ZNF516: variants seen among roughly 807,000 people sequenced by gnomAD.
ZNF516 encodes the protein zinc finger protein 516.
Under a neutral mutation model 79.7 loss-of-function variants are expected in ZNF516, and 19 were observed. That is an observed-to-expected ratio of 0.24 (90% CI 0.17 to 0.35). ZNF516 has a LOEUF of 0.35. Ranked by LOEUF, ZNF516 falls within the 10% of genes least tolerant of loss-of-function variation. The probability of loss-of-function intolerance (pLI) is 1.00; values close to 1 mark genes in which losing one functional copy is unlikely to be tolerated. For missense variants in ZNF516, 1,678 were observed against 1,679.5 expected (o/e 1.00, Z 0.02); for synonymous variants, 877 against 739.5 (o/e 1.19, Z -3.02).
chr18:76,379,726 C>A lies in ZNF516; in HGVS notation c.2388G>T (p.Gln796His). The change falls in exon 4 of 7, where the codon CAG becomes CAT. Residue 796 changes from glutamine to histidine, a missense_variant. Gln to His is a conservative substitution (Grantham distance 24, BLOSUM62 0). Coordinates refer to ENST00000443185, the MANE Select transcript of ZNF516 (RefSeq NM_014643.4). ...SCNSVAPPWI[Q>H]PNGYKSIRSN... ...TTCTGATGCTTTTGTAACCATTGGG[C>A]TGAATCCACGGGGGAGCCACGGAGT... The A allele has an allele frequency of 6.2e-7, 1 of 1,613,886 alleles. No individual in the cohort carries two copies. Among genetic ancestry groups the A allele is most frequent in the Non-Finnish European group, 8.5e-7 (1 of 1,179,896 alleles).
chr18:76,399,855 T>G (rs1199480789), intron 3 of ZNF516, among the ~76,000 whole-genome samples: 1 of 152,264 alleles, frequency 6.6e-6, no homozygotes, highest in East Asian at 1.9e-4. Flanking sequence ...CCTCACCATG[T>G]TTCTGCTTGG....
intron 2 of ZNF516, among the ~76,000 whole-genome samples, chr18:76,450,249 T>G (rs1466560125): frequency 6.6e-6 from 1 of 150,560 alleles, no homozygotes; most frequent in African/African-American, 2.4e-5. Flanking sequence ...TTCCTAAAAG[T>G]TAAAAAAATA....
At chr18:76,408,675 G>C (rs2075332977) in intron 3 of ZNF516, among the ~76,000 whole-genome samples, 1 of 152,202 alleles carries the variant, frequency 6.6e-6, no homozygotes, top group African/African-American at 2.4e-5. Context: ...GGCGTAAAAA[G>C]AGGCCTTTCC....
At chr18:76,462,867 T>C (rs1042948710) in intron 2 of ZNF516, among the ~76,000 whole-genome samples, 161 bp downstream of exon 2, 16 of 152,210 alleles carry the variant, frequency 1.1e-4, no homozygotes, top group African/African-American at 2.9e-4. Flanking sequence ...GGTTTAATTA[T>C]TTTTCTTCTA....
chr18:76,384,276 C>T (rs1401239604), intron 3 of ZNF516, among the ~76,000 whole-genome samples: 4 of 149,554 alleles, frequency 2.7e-5, no homozygotes, highest in South Asian at 2.1e-4. Flanking sequence ...GCCCCCACGC[C>T]CCCACCAGGG....
chr18:76,453,035 T>C (rs983751695), intron 2 of ZNF516, among the ~76,000 whole-genome samples: 2 of 152,264 alleles, frequency 1.3e-5, no homozygotes, highest in African/African-American at 4.8e-5. Context: ...ATTGCATTAC[T>C]GTTACTTGTC....
At position 76,379,133 on chromosome 18, in the gene ZNF516, G is replaced by A. The variant is rs748361896; in HGVS notation, c.2981C>T (p.Ala994Val). ...GPPPAKGEGGAPPLPPREPPS... is the reference protein window; with the variant it reads ...GPPPAKGEGGVPPLPPREPPS... Reference sequence around the variant, plus strand: ...GGGCTCGCGGGGAGGTAGAGGAGGAGCGCCCCCTTCGCCCTTTGCAGGAGG... The same window carrying A: ...GGGCTCGCGGGGAGGTAGAGGAGGAACGCCCCCTTCGCCCTTTGCAGGAGG... The change falls in exon 4 of 7, where the codon GCT (alanine) becomes GTT (valine). Residue 994 changes from alanine to valine, a missense_variant. Physicochemically the swap from Ala to Val is moderately conservative, Grantham distance 64. This residue lies in a region of ZNF516 where 1,294 missense variants were observed against 1,248.3 expected (regional missense o/e 1.04). Coordinates refer to ENST00000443185, the MANE Select transcript of ZNF516 (RefSeq NM_014643.4). 9.3e-6 allele frequency: 15 copies of A among 1,612,584 alleles called. No homozygotes were observed. Among genetic ancestry groups the A allele is most frequent in the African/African-American group, 1.3e-5 (1 of 74,922 alleles).
intron 3 of ZNF516, among the ~76,000 whole-genome samples, chr18:76,425,152 T>C (rs570262763): frequency 1.3e-5 from 2 of 149,504 alleles, no homozygotes; most frequent in East Asian, 2.0e-4. Flanking sequence ...ACCTTCTACA[T>C]CAATTATACA....
chr18:76,446,897 G>C (rs920748629), intron 2 of ZNF516, among the ~76,000 whole-genome samples: 3 of 152,112 alleles, frequency 2.0e-5, no homozygotes, highest in African/African-American at 7.2e-5. Context: ...TGTAGAAATA[G>C]AAAAAGTGCT....
At chr18:76,460,975 G>C (rs1050783254) in intron 2 of ZNF516, among the ~76,000 whole-genome samples, 3 of 152,094 alleles carry the variant, frequency 2.0e-5, no homozygotes, top group African/African-American at 7.2e-5. Flanking sequence ...TTGAGGTCAG[G>C]GAGACCAGCC....
rs370331986 is a variant in ZNF516, at chr18:76,379,202, G to A, written c.2912C>T (p.Pro971Leu). 160 of 1,612,888 alleles carry A rather than the reference G, an allele frequency of 9.9e-5. No homozygotes were observed. Among genetic ancestry groups the A allele is most frequent in the African/African-American group, 7.7e-4 (58 of 75,058 alleles). Residue 971 changes from proline to leucine, a missense_variant, in exon 4 of 7, where the codon CCG (proline) becomes CTG (leucine). This residue lies in a region of ZNF516 where 1,294 missense variants were observed against 1,248.3 expected (regional missense o/e 1.04). Coordinates refer to ENST00000443185, the MANE Select transcript of ZNF516 (RefSeq NM_014643.4). ...ACTGAATTTGGCTTTCAGGGAGTCC[G>A]GGGCACTGTGCTTATTTGTGGGGGC... The part of the protein sequence containing the change: ...GFAPTNKHSA[P>L]DSLKAKFSAQ...
chr18:76,370,484 C>A, intron 6 of ZNF516, 44 bp downstream of exon 6: 1 of 1,545,206 alleles, frequency 6.5e-7, no homozygotes. Flanking sequence ...CCTTTCCCAG[C>A]TACCGCATCG....
chr18:76,371,437 C>T (rs1476223983), intron 5 of ZNF516, 30 bp downstream of exon 5: 1 of 1,587,934 alleles, frequency 6.3e-7, no homozygotes, highest in Admixed American at 1.7e-5. Context: ...CTCTGCTCCC[C>T]TTGGGGATAG....
Position 76,442,161 on chromosome 18 carries a change from G to A in ZNF516, c.894C>T (p.His298=), listed in dbSNP as rs767532761. The change falls in exon 3 of 7, where the codon CAC becomes CAT. Residue 298 remains histidine (H), a synonymous_variant. Transcript: ENST00000443185. The part of the protein sequence containing the change: ...PWFLKNHMKA[H]GPKTGSKNRP... ...TGTTCTTGCTGCCCGTCTTGGGGCC[G>A]TGCGCCTTCATGTGGTTCTTGAGGA... is the stretch of plus-strand genomic sequence containing the variant. 1.9e-6 allele frequency: 3 copies of A among 1,613,904 alleles called. No homozygotes were observed. Among genetic ancestry groups the A allele is most frequent in the East Asian group, 2.2e-5 (1 of 44,878 alleles).
chr18:76,422,919 A>T (rs2075526444), intron 3 of ZNF516, among the ~76,000 whole-genome samples: 1 of 152,144 alleles, frequency 6.6e-6, no homozygotes, highest in Non-Finnish European at 1.5e-5. Flanking sequence ...TATTTCTGTC[A>T]CCGGTTCATT....
chr18:76,443,013 G>A lies in ZNF516; in HGVS notation c.42C>T (p.Gly14=). The stretch of plus-strand genomic sequence containing the variant: ...CCCGGCCGGCCCTGGTGGGGCTGGG[G>A]CCTCGCCTCAGCTCCATCTCGGCCT... ...NREAEMELRR[G]PSPTRAGRGH... is the part of the protein sequence containing the mutation. Residue 14 remains glycine (G), a synonymous_variant, in exon 3 of 7, where the codon GGC becomes GGT. Coordinates refer to ENST00000443185, the MANE Select transcript of ZNF516 (RefSeq NM_014643.4). The A allele has an allele frequency of 1.3e-6, 2 of 1,598,808 alleles. No individual in the cohort carries two copies. The highest frequency in any genetic ancestry group is 1.7e-6 in the Non-Finnish European group (2 of 1,177,894).
chr18:76,434,527 A>G lies in ZNF516; in HGVS notation c.1810+6718T>C, dbSNP rs534157111. Among the ~76,000 whole-genome samples the G allele has an allele frequency of 1.5e-3, 225 of 152,342 alleles. No homozygotes were observed. The Middle Eastern group carries it at 0.017, about 12-fold the overall frequency. ...ATCACGAACTTCTCTTTCAGTGAACATCACTGAATGTCTATCCTAAGTAAC... is the reference window on the plus strand; with the variant it reads ...ATCACGAACTTCTCTTTCAGTGAACGTCACTGAATGTCTATCCTAAGTAAC... On this transcript the variant is annotated intron_variant, in intron 3 of 6. Transcript: ENST00000443185.
intron 3 of ZNF516, among the ~76,000 whole-genome samples, chr18:76,399,493 C>A (rs1218788842): frequency 6.6e-6 from 1 of 152,184 alleles, no homozygotes; most frequent in African/African-American, 2.4e-5. Context: ...AAATGTCCAA[C>A]CTTGCAAAAA....
Position 76,493,475 on chromosome 18 carries a change from G to C in ZNF516, c.-272+1669C>G, listed in dbSNP as rs1056888217. 6.6e-6 allele frequency: 1 copy of C among 152,298 alleles called. No individual in the cohort carries two copies. The highest frequency in any genetic ancestry group is 2.4e-5 in the African/African-American group (1 of 41,436). The allele number at this position is 152,298 out of a possible 1,614,324, so 9.4% of individuals were successfully genotyped here. On this transcript the variant is annotated intron_variant, in intron 1 of 6. Transcript: ENST00000443185. The surrounding 1 kb of genome is among the most constrained non-coding windows in gnomAD (Gnocchi z 5.2). ...ACACTCGTTCCTAATTTATGAACTC[G>C]CCGTTTTGATTTTATTATTTAAGCA...
Sources: allele counts gnomAD v4.1 joint callset (sites outside exome capture counted in the v4.1 genomes callset), GRCh38; gene constraint gnomAD v4.1.1; regional missense constraint gnomAD v4.1.1; non-coding constraint Gnocchi (gnomAD v3.1); transcripts MANE v1.5; gene names NCBI Gene and HGNC (gene_info 2026-07-23, HGNC 2026-07-21).